ARHGEF28: variants seen among roughly 807,000 people sequenced by gnomAD.
The protein encoded by ARHGEF28 is 190 kDa guanine nucleotide exchange factor.
ARHGEF28 carries 152 observed loss-of-function variants against 206.6 expected under a neutral mutation model. That is an observed-to-expected ratio of 0.74 (90% CI 0.64 to 0.84). ARHGEF28 has a LOEUF of 0.84. ARHGEF28 is among the 40% of genes least tolerant of loss of function. The pLI is 0.00. For synonymous variants in ARHGEF28, 763 were observed against 776.4 expected, an observed-to-expected ratio of 0.98 and a Z score of 0.29; for missense variants, 2,028 against 2,073.2, an observed-to-expected ratio of 0.98 and a Z score of 0.42.
At chr5:73,748,186 G>GC (rs1224217129) in intron 2 of ARHGEF28, among the ~76,000 whole-genome samples, 3 of 152,058 alleles carry the variant, frequency 2.0e-5, no homozygotes, top group Non-Finnish European at 4.4e-5. Context: ...GACATTTGTT[G>GC]TTTTTTGCTT....
chr5:73,633,890 TAACTG>T (rs368763047), intron 1 of ARHGEF28, among the ~76,000 whole-genome samples: 215 of 152,264 alleles, frequency 1.4e-3, no homozygotes, highest in African/African-American at 5.0e-3. Flanking sequence ...AAGTATTTCT[TAACTG>T]TACTGTTGAG....
chr5:73,743,902 G>A (rs140215658), intron 2 of ARHGEF28, among the ~76,000 whole-genome samples: 2 of 152,100 alleles, frequency 1.3e-5, no homozygotes, highest in African/African-American at 4.8e-5. Flanking sequence ...CTAAATATTC[G>A]TGCATTTGCT....
intron 35 of ARHGEF28, among the ~76,000 whole-genome samples, chr5:73,922,693 TATAAC>T (rs1246361719): frequency 6.6e-6 from 1 of 152,236 alleles, no homozygotes; most frequent in African/African-American, 2.4e-5. Flanking sequence ...GGAATGTTCT[TATAAC>T]AAGAACATGG....
At chr5:73,903,837 A>T (rs949712418) in intron 31 of ARHGEF28, 1 of 223,426 alleles carries the variant, frequency 4.5e-6, no homozygotes, top group East Asian at 1.1e-4. Flanking sequence ...GTCCTCTAGA[A>T]TATAAGAGGT....
chr5:73,650,432 A>C (rs191621741), intron 1 of ARHGEF28, among the ~76,000 whole-genome samples: 3 of 150,146 alleles, frequency 2.0e-5, no homozygotes, highest in Admixed American at 6.6e-5. Context: ...CTACAGGCGC[A>C]TGCCACCACA....
At chr5:73,857,131 C>T (rs143576649) in intron 14 of ARHGEF28, among the ~76,000 whole-genome samples, 165 of 152,158 alleles carry the variant, frequency 1.1e-3, no homozygotes, top group African/African-American at 3.1e-3. Context: ...GAGGCTGCAC[C>T]GAGTGGCAGT....
chr5:73,896,082 A>G (rs1449439186), intron 29 of ARHGEF28, among the ~76,000 whole-genome samples: 5 of 152,210 alleles, frequency 3.3e-5, no homozygotes, highest in African/African-American at 1.2e-4. Context: ...GGAAAGACAG[A>G]CAATACTTAC....
At chr5:73,903,077 G>A (rs1306065601) in intron 31 of ARHGEF28, 1 of 152,214 alleles carries the variant, frequency 6.6e-6, no homozygotes, top group Non-Finnish European at 1.5e-5. Context: ...TATCAGAGGG[G>A]CTGCTTACGA....
At chr5:73,732,916 T>C (rs1750700943) in intron 2 of ARHGEF28, among the ~76,000 whole-genome samples, 1 of 152,240 alleles carries the variant, frequency 6.6e-6, no homozygotes, top group South Asian at 2.1e-4. Flanking sequence ...GTCCTTTTTG[T>C]GCATAAGAAT....
chr5:73,761,297 T>C (rs1752588851), intron 4 of ARHGEF28, among the ~76,000 whole-genome samples: 1 of 152,230 alleles, frequency 6.6e-6, no homozygotes, highest in Admixed American at 6.5e-5. Context: ...CATAGATTTC[T>C]TAATGGGATT....
At chr5:73,787,011 A>G (rs946262824) in intron 7 of ARHGEF28, among the ~76,000 whole-genome samples, 2 of 152,232 alleles carry the variant, frequency 1.3e-5, no homozygotes, top group African/African-American at 2.4e-5. Flanking sequence ...TTATTTGAAT[A>G]TCTCCTGTGA....
intron 30 of ARHGEF28, 123 bp from the exon 31 acceptor site, chr5:73,901,061 T>C: frequency 1.4e-6 from 1 of 711,106 alleles, no homozygotes; most frequent in Non-Finnish European, 2.4e-6. Context: ...GAATACTCAA[T>C]ATGTATTATT....
chr5:73,852,724 A>G (rs1396672630), intron 14 of ARHGEF28, 32 bp downstream of exon 14: 2 of 1,605,154 alleles, frequency 1.2e-6, no homozygotes, highest in Non-Finnish European at 1.7e-6. Context: ...TTCCTGAGGA[A>G]CTGCATGATC....
Position 73,857,715 on chromosome 5 carries a change from A to G in ARHGEF28, c.1850A>G (p.Tyr617Cys). ...CCTGCCAAATCAGAGTCTGAAAAAT[A>G]TAAAGTGAGTCGAACTTTCAGTTTC... The part of the protein sequence containing the change: ...IIPAKSESEK[Y>C]KVSRTFSFLM... Residue 617 changes from tyrosine (Y) to cysteine (C), a missense_variant, in exon 15 of 36, where the codon TAT becomes TGT. Coordinates refer to ENST00000513042, the MANE Select transcript of ARHGEF28 (RefSeq NM_001177693.2). The G allele has an allele frequency of 1.2e-6, 2 of 1,611,700 alleles. No homozygotes were observed. Among genetic ancestry groups the G allele is most frequent in the African/African-American group, 1.3e-5 (1 of 75,012 alleles).
intron 1 of ARHGEF28, among the ~76,000 whole-genome samples, chr5:73,676,660 C>G (rs181379543): frequency 6.6e-6 from 1 of 152,280 alleles, no homozygotes; most frequent in African/African-American, 2.4e-5. Flanking sequence ...ACACTGTTAT[C>G]TTTGAGACCT....
chr5:73,764,389 G>T (rs978006687), intron 4 of ARHGEF28, among the ~76,000 whole-genome samples: 3 of 152,190 alleles, frequency 2.0e-5, no homozygotes, highest in Non-Finnish European at 4.4e-5. Context: ...AAATTCTGAT[G>T]AAGACTTTTT....
intron 30 of ARHGEF28, chr5:73,900,699 C>T (rs78566065): frequency 1.3e-5 from 2 of 152,956 alleles, no homozygotes; most frequent in East Asian, 3.9e-4. Context: ...TGTCTCCCTC[C>T]TGCTTCGGAC....
At chr5:73,668,541 A>G (rs1327043361) in intron 1 of ARHGEF28, among the ~76,000 whole-genome samples, 3 of 152,230 alleles carry the variant, frequency 2.0e-5, no homozygotes, top group African/African-American at 7.2e-5. Context: ...GAGACCTCTT[A>G]AAGGTTCCAC....
chr5:73,673,152 A>T (rs1261499906), intron 1 of ARHGEF28, among the ~76,000 whole-genome samples: 2 of 152,214 alleles, frequency 1.3e-5, no homozygotes, highest in Non-Finnish European at 2.9e-5. Flanking sequence ...TTTATTTCAA[A>T]TACTGTCTCC....
Sources: allele counts gnomAD v4.1 joint callset (sites outside exome capture counted in the v4.1 genomes callset), GRCh38; gene constraint gnomAD v4.1.1; transcripts MANE v1.5; gene names NCBI Gene and HGNC (gene_info 2026-07-23, HGNC 2026-07-21).